PLSCR3: variants seen among roughly 807,000 people sequenced by gnomAD.
PLSCR3 encodes PL scramblase 3.
PLSCR3 carries 17 observed loss-of-function variants against 33.7 expected under a neutral mutation model. The observed-to-expected ratio is 0.50, with a 90% CI of 0.35 to 0.76. PLSCR3 has a LOEUF of 0.76. Among genes scored for constraint, PLSCR3 ranks in the 30% least tolerant of loss-of-function variants. The pLI is 0.01. For synonymous variants in PLSCR3, 166 were observed against 166.0 expected (o/e 1.00, Z 0.00); for missense variants, 360 against 394.1 (o/e 0.91, Z 0.73).
rs1437963225 is a variant in PLSCR3 at position 7,393,513 on chromosome 17, G to C, written c.244-4C>G. On this transcript the variant is annotated splice_polypyrimidine_tract_variant and splice_region_variant and intron_variant, in intron 3 of 7. Transcript: ENST00000619711. ...GGTGAATCAAAATCTGATCAATCTG[G>C]AAAGAGAGGGGCGGCGCGCACATCA... 2 of 1,614,138 alleles carry C rather than the reference G, an allele frequency of 1.2e-6. No homozygotes were observed. Among genetic ancestry groups the C allele is most frequent in the South Asian group, 2.2e-5 (2 of 91,082 alleles).
At position 7,392,670 on chromosome 17, in the gene PLSCR3, G is replaced by C. The variant is rs949904880; in HGVS notation, c.669+121C>G. On this transcript the variant is annotated intron_variant, in intron 6 of 7. Coordinates refer to ENST00000619711, the MANE Select transcript of PLSCR3 (RefSeq NM_020360.4). ...ATGGAGGAATGCTACAAATGCGGTC[G>C]GAGTCACAGTGGATTTGGATTGATG... 9.0e-6 allele frequency: 8 copies of C among 892,302 alleles called. No homozygotes were observed. In the Admixed American group the frequency reaches 1.4e-4, roughly 16 times the overall value. 55.3% of individuals were successfully genotyped at this position (892,302 alleles called of 1,614,324 possible).
rs1389456166 is a variant in PLSCR3 at position 7,389,768 on chromosome 17, A to T, written c.*617T>A. 2 of 156,298 alleles carry T rather than the reference A, an allele frequency of 1.3e-5. No homozygotes were observed. Among genetic ancestry groups the T allele is most frequent in the African/African-American group, 4.8e-5 (2 of 41,594 alleles). 9.7% of individuals were successfully genotyped at this position (156,298 alleles called of 1,614,324 possible). ...GTTACAAAGTTTATATGAATGTAAC[A>T]TATAAAGATGCAGCCTTTTTCCTAG... On this transcript the variant is annotated 3_prime_UTR_variant, in exon 8 of 8. Coordinates refer to ENST00000619711, the MANE Select transcript of PLSCR3 (RefSeq NM_020360.4).
intron 6 of PLSCR3, 110 bp from the exon 7 acceptor site, chr17:7,390,905 G>C: frequency 9.3e-7 from 1 of 1,076,316 alleles, no homozygotes; most frequent in Non-Finnish European, 1.4e-6. Flanking sequence ...TCTCCACTCA[G>C]TGAATCTTCC....
rs77407748 is a variant in PLSCR3, at chr17:7,390,169, G to A, written c.*216C>T. 0.011 allele frequency: 5,725 copies of A among 517,222 alleles called. 273 individuals carry two copies. Among genetic ancestry groups the A allele is most frequent in the African/African-American group, 0.094 (4,978 of 52,720 alleles). 32.0% of individuals were successfully genotyped at this position (517,222 alleles called of 1,614,324 possible). The stretch of plus-strand genomic sequence containing the variant: ...TATGCCTGTGTGCCGAGGGACTGCT[G>A]GGACAGTGGTGGGAGGTAGCAGGAG... On this transcript the variant is annotated 3_prime_UTR_variant, in exon 8 of 8. Coordinates refer to ENST00000619711, the MANE Select transcript of PLSCR3 (RefSeq NM_020360.4).
rs1211204939 is a variant in PLSCR3 at position 7,389,867 on chromosome 17, G to A, written c.*518C>T. 6.4e-6 allele frequency: 1 copy of A among 155,824 alleles called. No individual in the cohort carries two copies. Among genetic ancestry groups the A allele is most frequent in the East Asian group, 1.9e-4 (1 of 5,298 alleles). The allele number at this position is 155,824 out of a possible 1,614,324, so 9.7% of individuals were successfully genotyped here. A position where few individuals can be genotyped will look rare whatever the true frequency, so the allele number is the denominator to read the frequency against. On this transcript the variant is annotated 3_prime_UTR_variant, in exon 8 of 8. Coordinates refer to ENST00000619711, the MANE Select transcript of PLSCR3 (RefSeq NM_020360.4). The stretch of plus-strand genomic sequence containing the variant: ...CACCAGCTGAAGGCAGGGCCCTAGT[G>A]GGAGAGGAAGTTGGCACTGGGGTCC...
At position 7,394,215 on chromosome 17, in the gene PLSCR3, G is replaced by A; in HGVS notation, c.-105C>T. 1.7e-6 allele frequency: 2 copies of A among 1,143,752 alleles called. No individual in the cohort carries two copies. Among genetic ancestry groups the A allele is most frequent in the Non-Finnish European group, 2.6e-6 (2 of 777,462 alleles). 70.9% of individuals were successfully genotyped at this position (1,143,752 alleles called of 1,614,324 possible). On this transcript the variant is annotated 5_prime_UTR_variant, in exon 2 of 8. Transcript: ENST00000619711. The surrounding 1 kb of genome is among the most constrained non-coding windows in gnomAD (Gnocchi z 5.3). ...AGACAGACACAGAGACAGACACAAAGACGGAGAGGCAGCTGCGCCCGGCGC... is the reference window on the plus strand; with the variant it reads ...AGACAGACACAGAGACAGACACAAAAACGGAGAGGCAGCTGCGCCCGGCGC...
In PLSCR3 at chr17:7,390,140, C is replaced by A; in HGVS notation, c.*245G>T. On this transcript the variant is annotated 3_prime_UTR_variant, in exon 8 of 8. Transcript: ENST00000619711. ...AGAGTGCATGGGGAAAGTGTGAAAG[C>A]TGATATGCCTGTGTGCCGAGGGACT... 2.2e-6 allele frequency: 1 copy of A among 457,114 alleles called. No homozygotes were observed. The allele number at this position is 457,114 out of a possible 1,614,324, so 28.3% of individuals were successfully genotyped here.
rs1338693572 is a variant in PLSCR3, at chr17:7,392,956, G to A, written c.508-4C>T. 5 of 1,608,768 alleles carry A rather than the reference G, an allele frequency of 3.1e-6. No homozygotes were observed. The Admixed American group carries it at 8.4e-5, about 27-fold the overall frequency. ...CTGGTGGAGCCTGTACTTCCATCTG[G>A]GAGTGGGAAGCAGACAGGGTCACTG... On this transcript the variant is annotated splice_region_variant and splice_polypyrimidine_tract_variant and intron_variant, in intron 5 of 7. Transcript: ENST00000619711.
At position 7,392,810 on chromosome 17, in the gene PLSCR3, C is replaced by A. The variant is rs769122935; in HGVS notation, c.650G>T (p.Gly217Val). 5.0e-6 allele frequency: 8 copies of A among 1,613,830 alleles called. No individual in the cohort carries two copies. Among genetic ancestry groups the A allele is most frequent in the Non-Finnish European group, 1.7e-6 (2 of 1,179,972 alleles). Reference sequence around the variant, plus strand: ...TGATACCTCAAAGTTGGTGTCTGTGCCACAGCCACAGGTCCAGCAGGGCCC... The same window carrying A: ...TGATACCTCAAAGTTGGTGTCTGTGACACAGCCACAGGTCCAGCAGGGCCC... ...VVGPCWTCGC[G>V]TDTNFEVKTR... Residue 217 changes from glycine (G) to valine (V), a missense_variant, in exon 6 of 8, where the codon GGC (glycine) becomes GTC (valine). By Grantham distance (109) the Gly-to-Val change is moderately radical (BLOSUM62 -3). Transcript: ENST00000619711.
Position 7,390,363 on chromosome 17 carries a change from TCTC to T in PLSCR3, c.*19_*21del, listed in dbSNP as rs1437977113. Reference sequence around the variant, plus strand: ...TCTGGAGTTCTGGTCGAGGTGATGGTCTCCTCACACCATGGTGGCCTCTAACTG... The same window carrying T: ...TCTGGAGTTCTGGTCGAGGTGATGGTCTCACACCATGGTGGCCTCTAACTG... On this transcript the variant is annotated 3_prime_UTR_variant, in exon 8 of 8. Coordinates refer to ENST00000619711, the MANE Select transcript of PLSCR3 (RefSeq NM_020360.4). The T allele has an allele frequency of 6.6e-7, 1 of 1,525,930 alleles. No homozygotes were observed. Among genetic ancestry groups the T allele is most frequent in the Admixed American group, 2.1e-5 (1 of 48,636 alleles). 94.5% of individuals were successfully genotyped at this position (1,525,930 alleles called of 1,614,324 possible).
At position 7,394,139 on chromosome 17, in the gene PLSCR3, T is replaced by C; in HGVS notation, c.-29A>G. On this transcript the variant is annotated 5_prime_UTR_variant, in exon 2 of 8. Coordinates refer to ENST00000619711, the MANE Select transcript of PLSCR3 (RefSeq NM_020360.4). The surrounding 1 kb of genome is among the most constrained non-coding windows in gnomAD (Gnocchi z 5.3). ...AGAAGGGCTGGGGTTTTCGAGATGA[T>C]GGTGTCTGGGTGGCTTAGTTCTGGA... The C allele has an allele frequency of 1.2e-6, 2 of 1,611,946 alleles. No individual in the cohort carries two copies. Among genetic ancestry groups the C allele is most frequent in the Middle Eastern group, 1.7e-4 (1 of 6,044 alleles).
At position 7,393,791 on chromosome 17, in the gene PLSCR3, T is replaced by C. The variant is rs1597695433; in HGVS notation, c.53A>G (p.Tyr18Cys). 2 of 1,510,856 alleles carry C rather than the reference T, an allele frequency of 1.3e-6. No individual in the cohort carries two copies. The highest frequency in any genetic ancestry group is 1.8e-6 in the Non-Finnish European group (2 of 1,140,894). The allele number at this position is 1,510,856 out of a possible 1,614,324, so 93.6% of individuals were successfully genotyped here. A position where few individuals can be genotyped will look rare whatever the true frequency, so the allele number is the denominator to read the frequency against. ...KGYAPSPPPP[Y>C]PVTPGYPEPA... Reference sequence around the variant, plus strand: ...CTCCGGGTACCCAGGGGTGACAGGGTAGGGAGGTGGGGGCGAAGGGGCGTA... The same window carrying C: ...CTCCGGGTACCCAGGGGTGACAGGGCAGGGAGGTGGGGGCGAAGGGGCGTA... The change falls in exon 3 of 8, where the codon TAC becomes TGC. Residue 18 changes from tyrosine (Y) to cysteine (C), a missense_variant. Tyr to Cys is a radical substitution (Grantham distance 194). Transcript: ENST00000619711.
rs758060571 is a variant in PLSCR3, at chr17:7,393,515, AAG to A, written c.244-8_244-7del. 17 of 1,613,968 alleles carry A rather than the reference AAG, an allele frequency of 1.1e-5. No individual in the cohort carries two copies. The highest frequency in any genetic ancestry group is 1.4e-5 in the Non-Finnish European group (17 of 1,180,006). ...TGAATCAAAATCTGATCAATCTGGAAAGAGAGGGGCGGCGCGCACATCAGCTG... is the reference window on the plus strand; with the variant it reads ...TGAATCAAAATCTGATCAATCTGGAAAGAGGGGCGGCGCGCACATCAGCTG... On this transcript the variant is annotated splice_polypyrimidine_tract_variant and splice_region_variant and intron_variant, in intron 3 of 7. Coordinates refer to ENST00000619711, the MANE Select transcript of PLSCR3 (RefSeq NM_020360.4).
At chr17:7,392,015 G>A (rs1273408974) in intron 6 of PLSCR3, among the ~76,000 whole-genome samples, 3 of 152,146 alleles carry the variant, frequency 2.0e-5, no homozygotes, top group East Asian at 1.9e-4. Context: ...GAGAAACCTC[G>A]TCTCTACTAA....
At chr17:7,392,684 T>G in intron 6 of PLSCR3, 107 bp downstream of exon 6, 5 of 1,048,644 alleles carry the variant, frequency 4.8e-6, no homozygotes, top group Non-Finnish European at 7.4e-6. Context: ...TCACAGTGGA[T>G]TTGGATTGAT....
At chr17:7,390,570 T>G in intron 7 of PLSCR3, 64 bp downstream of exon 7, 1 of 1,596,672 alleles carries the variant, frequency 6.3e-7, no homozygotes, top group Non-Finnish European at 8.6e-7. Context: ...GGCCAGGAAA[T>G]GCATAAAGCT....
In PLSCR3 at chr17:7,394,246, C is replaced by CA; in HGVS notation, c.-137dup. On this transcript the variant is annotated 5_prime_UTR_variant, in exon 2 of 8. Transcript: ENST00000619711. The surrounding 1 kb of genome is among the most constrained non-coding windows in gnomAD (Gnocchi z 5.3). ...GAGGCAGCTGCGCCCGGCGCCGGCC[C>CA]AGGGTCTCTTGGGCGGCGCCTCTGA... The CA allele has an allele frequency of 1.3e-6, 1 of 788,610 alleles. No individual in the cohort carries two copies. Among genetic ancestry groups the CA allele is most frequent in the South Asian group, 1.8e-5 (1 of 55,544 alleles). The allele number at this position is 788,610 out of a possible 1,614,324, so 48.9% of individuals were successfully genotyped here.
rs200961730 is a variant in PLSCR3, at chr17:7,393,607, C to T, written c.237G>A (p.Leu79=). ...CTCCCTCCTTCCCACTCACCTGCAC[C>T]AGGAATTCGAGGCCAGAAGGCACCC... ...LPGVPSGLEF[L]VQIDQILIHQ... Residue 79 remains leucine, a synonymous_variant, in exon 3 of 8, where the codon CTG becomes CTA. Coordinates refer to ENST00000619711, the MANE Select transcript of PLSCR3 (RefSeq NM_020360.4). 3.9e-3 allele frequency: 6,227 copies of T among 1,613,132 alleles called. 17 individuals carry two copies. The highest frequency in any genetic ancestry group is 4.6e-3 in the Non-Finnish European group (5,418 of 1,179,966).
At chr17:7,393,540 C>G (rs776962852) in intron 3 of PLSCR3, 31 bp from the exon 4 acceptor site, 33 of 1,613,980 alleles carry the variant, frequency 2.0e-5, no homozygotes, top group Non-Finnish European at 2.7e-5. Flanking sequence ...CGCACATCAG[C>G]TGGCCCATCT....
Sources: gnomAD v4.1 joint callset for allele counts (sites outside exome capture counted in the v4.1 genomes callset) on GRCh38, gnomAD v4.1.1 for gene constraint, Gnocchi (gnomAD v3.1) non-coding constraint, MANE v1.5 for transcripts, NCBI Gene and HGNC (gene_info 2026-07-23, HGNC 2026-07-21) for gene names.